MRPL20: variants seen among roughly 807,000 people sequenced by gnomAD.
The protein encoded by MRPL20 is mitochondrial ribosomal protein L20.
Under a neutral mutation model 20.0 loss-of-function variants are expected in MRPL20, and 21 were observed. The ratio of observed to expected loss-of-function variants is 1.05; its 90% CI spans 0.74 to 1.51. MRPL20 has a LOEUF of 1.51. MRPL20 is among the 40% of genes most tolerant of loss of function. The pLI is 0.00. For missense variants in MRPL20, 252 were observed against 185.6 expected, an observed-to-expected ratio of 1.36 and a Z score of -2.08; for synonymous variants, 104 against 73.0, an observed-to-expected ratio of 1.43 and a Z score of -2.17.
chr1:1,407,248 A>G lies in MRPL20; in HGVS notation c.-31T>C, dbSNP rs370669016. Reference sequence around the variant, plus strand: ...CTGCAGGCCGGCGTCCCGAACACTCAACAACGCACGCGCAGCGCCGCTGCC... The same window carrying G: ...CTGCAGGCCGGCGTCCCGAACACTCGACAACGCACGCGCAGCGCCGCTGCC... On this transcript the variant is annotated 5_prime_UTR_variant, in exon 1 of 4. The change abolishes the stop of an existing upstream ORF in the 5' untranslated region. Coordinates refer to ENST00000344843, the MANE Select transcript of MRPL20 (RefSeq NM_017971.4). 4.1e-5 allele frequency: 64 copies of G among 1,547,688 alleles called. No individual in the cohort carries two copies. In the African/African-American group the frequency reaches 7.9e-4, roughly 19 times the overall value.
chr1:1,405,571 G>A (rs1305703670), intron 3 of MRPL20: 1 of 695,146 alleles, frequency 1.4e-6, no homozygotes, highest in South Asian at 1.6e-5. Context: ...GCCTGGGCTG[G>A]TTCACCCCTC....
chr1:1,402,841 C>T (rs758019116), intron 3 of MRPL20, among the ~76,000 whole-genome samples: 7 of 151,920 alleles, frequency 4.6e-5, no homozygotes, highest in Non-Finnish European at 1.0e-4. Context: ...AGAAAAAAAA[C>T]CACAAGGCCA....
intron 3 of MRPL20, among the ~76,000 whole-genome samples, chr1:1,404,794 G>A (rs1645367641): frequency 6.6e-6 from 1 of 151,930 alleles, no homozygotes; most frequent in African/African-American, 2.4e-5. Context: ...TTCTTAATGG[G>A]GAAACATCAG....
At position 1,402,168 on chromosome 1, in the gene MRPL20, C is replaced by T; in HGVS notation, c.365G>A (p.Arg122Lys). Residue 122 changes from arginine (R) to lysine (K), a missense_variant, in exon 4 of 4, where the codon AGG (arginine) becomes AAG (lysine). Coordinates refer to ENST00000344843, the MANE Select transcript of MRPL20 (RefSeq NM_017971.4). ...TFKSLAALAS[R>K]RRHEGFAAAL... ...AGCAGCAAATCCTTCGTGTCGCCTC[C>T]TACTGGCCAAGGCAGCCAAAGATTT... 6.2e-7 allele frequency: 1 copy of T among 1,614,178 alleles called. No homozygotes were observed. Among genetic ancestry groups the T allele is most frequent in the Non-Finnish European group, 8.5e-7 (1 of 1,180,038 alleles).
chr1:1,406,949 C>T lies in MRPL20; in HGVS notation c.158G>A (p.Cys53Tyr). 1 of 1,613,814 alleles carries T rather than the reference C, an allele frequency of 6.2e-7. No homozygotes were observed. The highest frequency in any genetic ancestry group is 8.5e-7 in the Non-Finnish European group (1 of 1,179,772). The change falls in exon 2 of 4, where the codon TGC becomes TAC. Residue 53 changes from cysteine to tyrosine, a missense_variant. Cys to Tyr is a radical substitution (Grantham distance 194). Transcript: ENST00000344843. ...TTTCTTCAGGTATCGGGCTTTGGTG[C>T]ATTTCACAAAGGCTCGAATCACGGT... The part of the protein sequence containing the change: ...VRTVIRAFVK[C>Y]TKARYLKKKN...
rs141850625 is a variant in MRPL20 at position 1,402,307 on chromosome 1, G to A, written c.277-51C>T. The A allele has an allele frequency of 3.3e-4, 517 of 1,548,072 alleles. 1 individual carries two copies. In the African/African-American group the frequency reaches 4.5e-3, roughly 13 times the overall value. ...GCTGTCAGTGTGAGACACACACTCC[G>A]GCTCCGCGTGGTTGCGGCGCTGGCT... On this transcript the variant is annotated intron_variant, in intron 3 of 3. Transcript: ENST00000344843.
In MRPL20 at chr1:1,405,848, A is replaced by C. The variant is rs1355502555; in HGVS notation, c.237T>G (p.His79Gln). ...CAATGAGCGCTGGATACTTCAGTCC[A>C]TGTTCCTGGCTAGCAGCTGTAATTC... is the stretch of plus-strand genomic sequence containing the variant. ...INRITAASQE[H>Q]GLKYPALIGN... The change falls in exon 3 of 4, where the codon CAT becomes CAG. Residue 79 changes from histidine (H) to glutamine (Q), a missense_variant. Physicochemically the swap from His to Gln is conservative, Grantham distance 24. Transcript: ENST00000344843. 5.6e-6 allele frequency: 9 copies of C among 1,613,932 alleles called. No individual in the cohort carries two copies. The highest frequency in any genetic ancestry group is 4.5e-5 in the East Asian group (2 of 44,898).
intron 3 of MRPL20, among the ~76,000 whole-genome samples, chr1:1,404,915 G>A (rs1015907690): frequency 5.7e-5 from 8 of 140,688 alleles, no homozygotes; most frequent in Admixed American, 2.1e-4. Flanking sequence ...GTGCAGCTAC[G>A]GTGCAGCTGG....
rs1330364536 is a variant in MRPL20, at chr1:1,402,174, G to A, written c.359C>T (p.Ala120Val). ...PKTFKSLAAL[A>V]SRRRHEGFAA... ...AAATCCTTCGTGTCGCCTCCTACTG[G>A]CCAAGGCAGCCAAAGATTTGAAAGT... Residue 120 changes from alanine (A) to valine (V), a missense_variant, in exon 4 of 4, where the codon GCC becomes GTC. Physicochemically the swap from Ala to Val is moderately conservative, Grantham distance 64 (BLOSUM62 0). Transcript: ENST00000344843. 1.2e-6 allele frequency: 2 copies of A among 1,614,048 alleles called. No homozygotes were observed. The highest frequency in any genetic ancestry group is 1.1e-5 in the South Asian group (1 of 91,082).
At position 1,407,265 on chromosome 1, in the gene MRPL20, G is replaced by T. The variant is rs72896275; in HGVS notation, c.-48C>A. ...GAACACTCAACAACGCACGCGCAGC[G>T]CCGCTGCCATCTTGCCCGGGTCGGA... On this transcript the variant is annotated 5_prime_UTR_variant, in exon 1 of 4. Coordinates refer to ENST00000344843, the MANE Select transcript of MRPL20 (RefSeq NM_017971.4). 5.9e-4 allele frequency: 875 copies of T among 1,490,906 alleles called. 11 individuals are homozygous for T. In the African/African-American group the frequency reaches 0.011, roughly 18 times the overall value. The allele number at this position is 1,490,906 out of a possible 1,614,324, so 92.4% of individuals were successfully genotyped here.
chr1:1,405,396 ACTC>A (rs1570068900), intron 3 of MRPL20: 2 of 547,600 alleles, frequency 3.7e-6, no homozygotes, highest in Non-Finnish European at 6.5e-6. Context: ...CCTGCTTCAG[ACTC>A]CTCAGTAGCT....
chr1:1,405,537 G>C, intron 3 of MRPL20: 1 of 628,794 alleles, frequency 1.6e-6, no homozygotes, highest in Non-Finnish European at 2.9e-6. Context: ...ATCAACATGG[G>C]AATTGTGACC....
intron 2 of MRPL20, 40 bp from the exon 3 acceptor site, chr1:1,405,926 T>C: frequency 1.9e-6 from 3 of 1,589,130 alleles, no homozygotes; most frequent in South Asian, 2.3e-5. Flanking sequence ...AAATGACTTC[T>C]GGATGTTATG....
rs2100390890 is a variant in MRPL20 at position 1,402,126 on chromosome 1, T to A, written c.407A>T (p.Lys136Met). ...TCTGGAAAAAATGCCTTCAGGTTCCTTCCCATCCCCCAAGGCAGCAGCAAA... is the reference window on the plus strand; with the variant it reads ...TCTGGAAAAAATGCCTTCAGGTTCCATCCCATCCCCCAAGGCAGCAGCAAA... Reference protein sequence around the residue: ...EGFAAALGDGKEPEGIFSRVV... With the variant: ...EGFAAALGDGMEPEGIFSRVV... Residue 136 changes from lysine to methionine, a missense_variant, in exon 4 of 4, where the codon AAG becomes ATG. Physicochemically the swap from Lys to Met is moderately conservative, Grantham distance 95. Coordinates refer to ENST00000344843, the MANE Select transcript of MRPL20 (RefSeq NM_017971.4). 1 of 1,614,188 alleles carries A rather than the reference T, an allele frequency of 6.2e-7. No individual in the cohort carries two copies. Among genetic ancestry groups the A allele is most frequent in the Non-Finnish European group, 8.5e-7 (1 of 1,180,020 alleles).
chr1:1,401,917 G>T lies in MRPL20; in HGVS notation c.*166C>A. The T allele has an allele frequency of 1.2e-6, 1 of 807,110 alleles. No individual in the cohort carries two copies. The highest frequency in any genetic ancestry group is 1.9e-6 in the Non-Finnish European group (1 of 521,044). 50.0% of individuals were successfully genotyped at this position (807,110 alleles called of 1,614,324 possible). A position where few individuals can be genotyped will look rare whatever the true frequency, so the allele number is the denominator to read the frequency against. On this transcript the variant is annotated 3_prime_UTR_variant, in exon 4 of 4. Transcript: ENST00000344843. ...AAAATGACTCTAAAAACTGAAGAGTGTTTGAGTTTCATTCACACAAAACAT... is the reference window on the plus strand; with the variant it reads ...AAAATGACTCTAAAAACTGAAGAGTTTTTGAGTTTCATTCACACAAAACAT...
At chr1:1,407,053 C>G (rs576918752) in intron 1 of MRPL20, 34 bp from the exon 2 acceptor site, 1 of 1,610,428 alleles carries the variant, frequency 6.2e-7, no homozygotes, top group African/African-American at 1.3e-5. Flanking sequence ...GGGTTGTCAG[C>G]GGGGCCCGCG....
intron 2 of MRPL20, chr1:1,406,589 AG>A: frequency 2.6e-6 from 1 of 381,768 alleles, no homozygotes; most frequent in Non-Finnish European, 5.0e-6. Flanking sequence ...CAGCTGCCAA[AG>A]GGAAGGGAAG....
chr1:1,406,654 A>G (rs1395743042), intron 2 of MRPL20: 1 of 516,308 alleles, frequency 1.9e-6, no homozygotes, highest in South Asian at 2.0e-5. Flanking sequence ...CGACGCAGGG[A>G]GAGTGTCAAG....
At chr1:1,405,914 A>C (rs926883334) in intron 2 of MRPL20, 28 bp from the exon 3 acceptor site, 1 of 1,596,080 alleles carries the variant, frequency 6.3e-7, no homozygotes, top group Non-Finnish European at 8.6e-7. Flanking sequence ...GAAGATACTT[A>C]AAAATGACTT....
Sources: gnomAD v4.1 joint callset for allele counts (sites outside exome capture counted in the v4.1 genomes callset) on GRCh38, gnomAD v4.1.1 for gene constraint, MANE v1.5 for transcripts, NCBI Gene and HGNC (gene_info 2026-07-23, HGNC 2026-07-21) for gene names.